Variants in NOL11 observed in about 807,000 individuals in gnomAD.
NOL11 encodes nucleolar protein 11.
A neutral mutation model predicts 93.0 loss-of-function variants in NOL11; 42 were observed. The observed-to-expected ratio is 0.45, with a 90% CI of 0.35 to 0.58. NOL11 has a LOEUF of 0.58. Among genes scored for constraint, NOL11 ranks in the 20% least tolerant of loss-of-function variants. The pLI is 0.00. For synonymous variants in NOL11, 296 were observed against 293.7 expected (o/e 1.01, Z -0.08); for missense variants, 775 against 841.8 (o/e 0.92, Z 0.98).
intron 14 of NOL11, chr17:67,738,692 AG>A: frequency 2.3e-6 from 1 of 435,248 alleles, no homozygotes. Context: ...AAAAAAAAAA[AG>A]AAGAAGCTAT....
intron 14 of NOL11, chr17:67,738,678 T>TAA (rs201285179): frequency 4.6e-4 from 165 of 362,018 alleles, no homozygotes; most frequent in Middle Eastern, 1.5e-3. Flanking sequence ...ACATCAGATT[T>TAA]AAAAAAAAAA....
intron 6 of NOL11, 79 bp from the exon 7 acceptor site, chr17:67,726,381 T>C: frequency 3.4e-6 from 4 of 1,178,054 alleles, no homozygotes; most frequent in Non-Finnish European, 4.5e-6. Context: ...TAAAATCTTA[T>C]AAACAACCTA....
intron 1 of NOL11, among the ~76,000 whole-genome samples, chr17:67,718,409 T>G (rs1282209878): frequency 1.3e-5 from 2 of 152,134 alleles, no homozygotes; most frequent in African/African-American, 2.4e-5. Context: ...CTTTATTATC[T>G]TAGCCGCCCG....
Position 67,735,966 on chromosome 17 carries a change from T to G in NOL11, c.997T>G (p.Cys333Gly), listed in dbSNP as rs1334334530. The stretch of plus-strand genomic sequence containing the variant: ...ATCTCTAACTGTGATTCCATACAAG[T>G]GTGAAGTGTCATCATTAGCAGGTGC... ...GKSLTVIPYK[C>G]EVSSLAGALG... The change falls in exon 9 of 18, where the codon TGT becomes GGT. Residue 333 changes from cysteine to glycine, a missense_variant. Around this residue, in one of 2 missense-constraint regions of NOL11, gnomAD observed 416 missense variants for 525.2 expected, o/e 0.79. Transcript: ENST00000253247. 6.2e-7 allele frequency: 1 copy of G among 1,611,962 alleles called. No homozygotes were observed.
intron 10 of NOL11, 139 bp downstream of exon 10, chr17:67,736,893 G>A (rs1251882294): frequency 1.5e-5 from 11 of 748,664 alleles, no homozygotes; most frequent in Non-Finnish European, 2.4e-5. Context: ...CTTGAACCCA[G>A]TAACCTCACA....
At chr17:67,724,250 A>G in intron 6 of NOL11, 57 bp downstream of exon 6, 1 of 1,047,348 alleles carries the variant, frequency 9.5e-7, no homozygotes, top group East Asian at 2.6e-5. Flanking sequence ...GTTATAGGAT[A>G]GTGTATGTTT....
chr17:67,744,023 C>T lies in NOL11; in HGVS notation c.*164C>T. 1 of 403,050 alleles carries T rather than the reference C, an allele frequency of 2.5e-6. No individual in the cohort carries two copies. The allele number at this position is 403,050 out of a possible 1,614,324, so 25.0% of individuals were successfully genotyped here. A position where few individuals can be genotyped will look rare whatever the true frequency, so the allele number is the denominator to read the frequency against. On this transcript the variant is annotated 3_prime_UTR_variant, in exon 18 of 18. Coordinates refer to ENST00000253247, the MANE Select transcript of NOL11 (RefSeq NM_015462.5). ...TAACTGATGCTCCGGGGTAGGACTG[C>T]AGGTTTCACATGAACCTGTTCTAGG...
At chr17:67,729,445 T>C (rs1488525107) in intron 7 of NOL11, among the ~76,000 whole-genome samples, 1 of 151,646 alleles carries the variant, frequency 6.6e-6, no homozygotes, top group African/African-American at 2.4e-5. Flanking sequence ...ACATTTTCAT[T>C]ATGTCAAAAG....
chr17:67,737,402 C>T, intron 11 of NOL11, 106 bp from the exon 12 acceptor site: 1 of 932,516 alleles, frequency 1.1e-6, no homozygotes, highest in Non-Finnish European at 1.6e-6. Context: ...TGCAGGAATG[C>T]ATGATAACTG....
chr17:67,722,755 G>T, intron 5 of NOL11, 118 bp downstream of exon 5: 1 of 1,343,250 alleles, frequency 7.4e-7, no homozygotes, highest in East Asian at 2.9e-5. Context: ...TGCCACGATG[G>T]TTCACTGCAG....
Position 67,719,906 on chromosome 17 carries a change from G to A in NOL11, c.256G>A (p.Val86Ile), listed in dbSNP as rs781745657. ...GEYVVVHDNK[V>I]LRIWNNEDVN... ...TTTAACTAGTATGTTTTGATTTAAGGTTTTAAGAATATGGAATAATGAAGA... is the reference window on the plus strand; with the variant it reads ...TTTAACTAGTATGTTTTGATTTAAGATTTTAAGAATATGGAATAATGAAGA... The change falls in exon 3 of 18, where the codon GTT becomes ATT. Residue 86 changes from valine to isoleucine, a missense_variant and splice_region_variant. By Grantham distance (29) the Val-to-Ile change is conservative. Coordinates refer to ENST00000253247, the MANE Select transcript of NOL11 (RefSeq NM_015462.5). 18 of 1,569,170 alleles carry A rather than the reference G, an allele frequency of 1.1e-5. No individual in the cohort carries two copies. In the Admixed American group the frequency reaches 1.4e-4, roughly 13 times the overall value.
At chr17:67,737,005 T>A in intron 10 of NOL11, 66 bp from the exon 11 acceptor site, 1 of 1,054,160 alleles carries the variant, frequency 9.5e-7, no homozygotes, top group Non-Finnish European at 1.5e-6. Flanking sequence ...GTGTTTCATA[T>A]CCCTCTAAAT....
At chr17:67,723,544 A>G (rs12325812) in intron 5 of NOL11, among the ~76,000 whole-genome samples, 3,384 of 146,148 alleles carry the variant, frequency 0.023, 160 homozygotes, top group African/African-American at 0.081. Context: ...GCCCACCACT[A>G]CTCCTGGCTA....
Position 67,717,992 on chromosome 17 carries a change from G to C in NOL11, c.45G>C (p.Leu15=). The C allele has an allele frequency of 6.2e-7, 1 of 1,614,244 alleles. No homozygotes were observed. The change falls in exon 1 of 18, where the codon CTG becomes CTC. Residue 15 remains leucine, a synonymous_variant. Coordinates refer to ENST00000253247, the MANE Select transcript of NOL11 (RefSeq NM_015462.5). The part of the protein sequence containing the change: ...EEEFTLSSVV[L]SAGPEGLLGV... ...AATTCACGTTGTCTTCGGTAGTCCTGAGCGCCGGGCCTGAAGGACTCCTAG... is the reference window on the plus strand; with the variant it reads ...AATTCACGTTGTCTTCGGTAGTCCTCAGCGCCGGGCCTGAAGGACTCCTAG...
chr17:67,723,638 C>T (rs950948147), intron 5 of NOL11, among the ~76,000 whole-genome samples: 16 of 151,724 alleles, frequency 1.1e-4, no homozygotes, highest in Admixed American at 9.2e-4. Flanking sequence ...CCACCGACTG[C>T]GGCCTCCCAA....
In NOL11 at chr17:67,743,922, C is replaced by T; in HGVS notation, c.*63C>T. ...CTTTTATGTGAACTCTTGCTTCATC[C>T]AGGCAAGAACGGTGTTTTGTTTGCG... On this transcript the variant is annotated 3_prime_UTR_variant, in exon 18 of 18. Coordinates refer to ENST00000253247, the MANE Select transcript of NOL11 (RefSeq NM_015462.5). 1.2e-6 allele frequency: 1 copy of T among 828,432 alleles called. No homozygotes were observed. The highest frequency in any genetic ancestry group is 1.9e-6 in the Non-Finnish European group (1 of 519,036). The allele number at this position is 828,432 out of a possible 1,614,324, so 51.3% of individuals were successfully genotyped here.
intron 16 of NOL11, among the ~76,000 whole-genome samples, chr17:67,742,418 T>G (rs1457531437): frequency 6.6e-6 from 1 of 152,228 alleles, no homozygotes; most frequent in Non-Finnish European, 1.5e-5. Context: ...GTTCCTTTTA[T>G]ATTAAGGAAA....
At chr17:67,742,105 A>G (rs1000326720) in intron 16 of NOL11, among the ~76,000 whole-genome samples, 11 of 152,212 alleles carry the variant, frequency 7.2e-5, no homozygotes, top group African/African-American at 2.7e-4. Context: ...AAATTATTGG[A>G]TGAAATAGTA....
chr17:67,730,979 A>G (rs2055149326), intron 7 of NOL11, among the ~76,000 whole-genome samples: 1 of 152,194 alleles, frequency 6.6e-6, no homozygotes, highest in Admixed American at 6.5e-5. Context: ...GGTGTGAAGT[A>G]GTACTTCATT....
Sources: allele counts gnomAD v4.1 joint callset (sites outside exome capture counted in the v4.1 genomes callset), GRCh38; gene constraint gnomAD v4.1.1; regional missense constraint gnomAD v4.1.1; transcripts MANE v1.5; gene names NCBI Gene and HGNC (gene_info 2026-07-23, HGNC 2026-07-21).